Variants in SDK1 observed in about 807,000 individuals in gnomAD.
SDK1 encodes the protein sidekick cell adhesion molecule 1.
SDK1 carries 157 observed loss-of-function variants against 245.5 expected under a neutral mutation model. The observed-to-expected ratio is 0.64, with a 90% CI of 0.56 to 0.73. The LOEUF (loss-of-function observed/expected upper bound fraction) is 0.73. Ranked by LOEUF, SDK1 falls within the 30% of genes least tolerant of loss-of-function variation. The pLI is 0.00. For synonymous variants in SDK1, 1,647 were observed against 1,278.5 expected (o/e 1.29, Z -6.15); for missense variants, 3,583 against 3,002.3 (o/e 1.19, Z -4.52).
chr7:4,016,413 A>G (rs1407222132), intron 16 of SDK1, among the ~76,000 whole-genome samples: 1 of 152,250 alleles, frequency 6.6e-6, no homozygotes, highest in Non-Finnish European at 1.5e-5. Context: ...AGTTCAGTGC[A>G]TTAACTTCTA....
At chr7:3,526,098 A>T (rs1418152884) in intron 1 of SDK1, among the ~76,000 whole-genome samples, 1 of 151,992 alleles carries the variant, frequency 6.6e-6, no homozygotes, top group Non-Finnish European at 1.5e-5. Flanking sequence ...GCGGGGTGTG[A>T]TGGTGCATGC....
chr7:3,309,370 G>GT (rs34437244), intron 1 of SDK1, among the ~76,000 whole-genome samples: 16,886 of 142,636 alleles, frequency 0.12, 1,218 homozygotes, highest in African/African-American at 0.21. Flanking sequence ...CCACAGCCAA[G>GT]TTTTTTTTTT....
chr7:3,693,301 T>C (rs1245390854), intron 4 of SDK1, among the ~76,000 whole-genome samples: 2 of 152,216 alleles, frequency 1.3e-5, no homozygotes, highest in Non-Finnish European at 2.9e-5. Flanking sequence ...TGTCGTAATA[T>C]TCATTATTCC....
intron 17 of SDK1, among the ~76,000 whole-genome samples, chr7:4,048,161 G>C (rs1789157497): frequency 6.6e-6 from 1 of 152,170 alleles, no homozygotes; most frequent in Non-Finnish European, 1.5e-5. Context: ...GGGATCCCGT[G>C]TGTTCCGGCC....
At chr7:4,015,952 A>G (rs1180941302) in intron 16 of SDK1, among the ~76,000 whole-genome samples, 1 of 152,194 alleles carries the variant, frequency 6.6e-6, no homozygotes, top group Non-Finnish European at 1.5e-5. Context: ...TTGTGTGACC[A>G]TTTCTCGATT....
chr7:3,481,075 A>G (rs1781508245), intron 1 of SDK1, among the ~76,000 whole-genome samples: 1 of 152,234 alleles, frequency 6.6e-6, no homozygotes, highest in Non-Finnish European at 1.5e-5. Context: ...ACTTACTATG[A>G]TTACTAATAC....
Position 3,778,112 on chromosome 7 carries a change from A to G in SDK1, c.714-43338A>G, listed in dbSNP as rs74903319. 6.8e-3 allele frequency among the ~76,000 whole-genome samples: 1,037 copies of G among 152,318 alleles called. 12 individuals are homozygous for G. Among genetic ancestry groups the G allele is most frequent in the African/African-American group, 0.024 (1,015 of 41,566 alleles). ...CCATAAAAATCAAGTAGAGCAATGC[A>G]TTTCCCATGCCGTCGTGTCTCCCAT... On this transcript the variant is annotated intron_variant, in intron 4 of 44. Coordinates refer to ENST00000404826, the MANE Select transcript of SDK1 (RefSeq NM_152744.4).
intron 1 of SDK1, among the ~76,000 whole-genome samples, chr7:3,535,498 C>T (rs1189521637): frequency 6.6e-6 from 1 of 152,102 alleles, no homozygotes; most frequent in African/African-American, 2.4e-5. Flanking sequence ...GGGACCCAGC[C>T]AGGCTCAGTC....
intron 5 of SDK1, among the ~76,000 whole-genome samples, chr7:3,900,663 A>G (rs1268548723): frequency 6.6e-6 from 1 of 152,050 alleles, no homozygotes; most frequent in Non-Finnish European, 1.5e-5. Context: ...TTAACTGAAT[A>G]CCTGACACCC....
rs1319031031 is a variant in SDK1 at position 4,217,055 on chromosome 7, A to G, written c.5540-3054A>G. Among the ~76,000 whole-genome samples the G allele has an allele frequency of 7.3e-3, 134 of 18,318 alleles. 1 individual carries two copies. Among genetic ancestry groups the G allele is most frequent in the African/African-American group, 0.025 (100 of 3,936 alleles). 12.0% of individuals were successfully genotyped at this position (18,318 alleles called of 152,430 possible). Reference sequence around the variant, plus strand: ...AGCACCAGGCCACCCGGAGCACCACACCACCCGGAGCACCAGGCCACCCGG... The same window carrying G: ...AGCACCAGGCCACCCGGAGCACCACGCCACCCGGAGCACCAGGCCACCCGG... On this transcript the variant is annotated intron_variant, in intron 38 of 44. Coordinates refer to ENST00000404826, the MANE Select transcript of SDK1 (RefSeq NM_152744.4).
Position 3,616,375 on chromosome 7 carries a change from G to A in SDK1, c.299-2705G>A, listed in dbSNP as rs561972258. On this transcript the variant is annotated intron_variant, in intron 1 of 44. Transcript: ENST00000404826. The stretch of plus-strand genomic sequence containing the variant: ...GAACACGTGTGGCCCTGCCTGCAAG[G>A]CCCTGCACAACCTGGCCCTGCTCAT... 1.3e-4 allele frequency among the ~76,000 whole-genome samples: 20 copies of A among 152,322 alleles called. No individual in the cohort carries two copies. In the South Asian group the frequency reaches 3.9e-3, roughly 30 times the overall value.
At chr7:4,103,825 G>A (rs1017702904) in intron 22 of SDK1, among the ~76,000 whole-genome samples, 22 of 152,204 alleles carry the variant, frequency 1.4e-4, no homozygotes, top group Non-Finnish European at 3.2e-4. Flanking sequence ...GGGGTGGTGC[G>A]CTCCAGCAGG....
chr7:4,072,782 G>C (rs901026762), intron 20 of SDK1, among the ~76,000 whole-genome samples: 1 of 152,148 alleles, frequency 6.6e-6, no homozygotes, highest in Non-Finnish European at 1.5e-5. Flanking sequence ...ACCACTTTAC[G>C]GGCCAGAGGC....
rs1030484629 is a variant in SDK1, at chr7:3,301,284, G to GGCA, written c.-301_-300insAGC. ...CTTCTCAGCGCCGGGCGGGGGCGGCGGCGGCGGCGGCTCCTCCGCGCCCGG... is the reference window on the plus strand; with the variant it reads ...CTTCTCAGCGCCGGGCGGGGGCGGCGGCAGCGGCGGCGGCTCCTCCGCGCCCGG... On this transcript the variant is annotated 5_prime_UTR_variant, in exon 1 of 45. Coordinates refer to ENST00000404826, the MANE Select transcript of SDK1 (RefSeq NM_152744.4). 6.8e-5 allele frequency among the ~76,000 whole-genome samples: 10 copies of GGCA among 147,452 alleles called. No individual in the cohort carries two copies. Among genetic ancestry groups the GGCA allele is most frequent in the African/African-American group, 2.4e-4 (10 of 41,048 alleles).
intron 1 of SDK1, among the ~76,000 whole-genome samples, chr7:3,546,868 C>T (rs929718896): frequency 2.6e-5 from 4 of 152,268 alleles, no homozygotes; most frequent in Admixed American, 6.5e-5. Context: ...TAAAGTTCCT[C>T]ATTTTGCAAG....
chr7:3,531,776 C>G (rs1278687251), intron 1 of SDK1, among the ~76,000 whole-genome samples: 1 of 152,226 alleles, frequency 6.6e-6, no homozygotes, highest in South Asian at 2.1e-4. Context: ...ATTTATGATG[C>G]TTATCTGAAC....
intron 4 of SDK1, among the ~76,000 whole-genome samples, chr7:3,693,143 T>C (rs958805428): frequency 5.3e-5 from 8 of 152,136 alleles, no homozygotes; most frequent in African/African-American, 1.9e-4. Context: ...TAATAATTTT[T>C]GTTTTTTTAC....
rs560634930 is a variant in SDK1, at chr7:4,026,649, G to T, written c.2602+9297G>T. On this transcript the variant is annotated intron_variant, in intron 17 of 44. Coordinates refer to ENST00000404826, the MANE Select transcript of SDK1 (RefSeq NM_152744.4). This position sits in a 1 kb window ranked among gnomAD's most constrained non-coding sequence, Gnocchi z 4.1. ...AGTGTTAAAGTATTTTCTTCTGAAG[G>T]CCATCAGAAAAGAAACTTGAGCTTA... is the stretch of plus-strand genomic sequence containing the variant. Among the ~76,000 whole-genome samples the T allele has an allele frequency of 6.6e-6, 1 of 152,196 alleles. No individual in the cohort carries two copies. Among genetic ancestry groups the T allele is most frequent in the African/African-American group, 2.4e-5 (1 of 41,454 alleles).
chr7:3,770,464 C>A (rs1395108933), intron 4 of SDK1, among the ~76,000 whole-genome samples: 2 of 152,182 alleles, frequency 1.3e-5, no homozygotes, highest in Non-Finnish European at 2.9e-5. Context: ...AGATAAAAAT[C>A]TCAGAGTATA....
Sources: allele counts gnomAD v4.1 joint callset (sites outside exome capture counted in the v4.1 genomes callset), GRCh38; gene constraint gnomAD v4.1.1; non-coding constraint Gnocchi (gnomAD v3.1); transcripts MANE v1.5; gene names NCBI Gene and HGNC (gene_info 2026-07-23, HGNC 2026-07-21).